NUAK1: variants seen among roughly 807,000 people sequenced by gnomAD.
NUAK1 encodes the protein NUAK family kinase 1, also known as NUAK family SNF1-like kinase 1.
NUAK1 carries 26 observed loss-of-function variants against 56.9 expected under a neutral mutation model. The ratio of observed to expected loss-of-function variants is 0.46; its 90% CI spans 0.33 to 0.63. NUAK1 has a LOEUF of 0.63. NUAK1 is among the 30% of genes least tolerant of loss of function. NUAK1 has a pLI of 0.02. For synonymous variants in NUAK1, 337 were observed against 336.0 expected, an observed-to-expected ratio of 1.00 and a Z score of -0.03; for missense variants, 727 against 876.1, an observed-to-expected ratio of 0.83 and a Z score of 2.15.
At chr12:106,076,043 T>G (rs761188629) in intron 4 of NUAK1, among the ~76,000 whole-genome samples, 12 of 152,166 alleles carry the variant, frequency 7.9e-5, no homozygotes, top group Admixed American at 2.6e-4. Context: ...TGACCTGAAC[T>G]CAACAAAAAT....
intron 1 of NUAK1, among the ~76,000 whole-genome samples, chr12:106,125,798 A>T (rs373699704): frequency 2.0e-5 from 3 of 152,122 alleles, no homozygotes; most frequent in Non-Finnish European, 4.4e-5. Flanking sequence ...AACCATGAGG[A>T]TGATGAAAAA....
chr12:106,090,025 T>C (rs2032618919), intron 2 of NUAK1, among the ~76,000 whole-genome samples: 1 of 152,204 alleles, frequency 6.6e-6, no homozygotes, highest in South Asian at 2.1e-4. Flanking sequence ...TTGATGGTCC[T>C]CAGAGAGCCT....
chr12:106,136,254 G>A (rs1374766681), intron 1 of NUAK1, among the ~76,000 whole-genome samples: 1 of 152,172 alleles, frequency 6.6e-6, no homozygotes, highest in Non-Finnish European at 1.5e-5. Context: ...TAAAACAAGA[G>A]ATTTAGCTGA....
chr12:106,077,918 A>G (rs540282281), intron 4 of NUAK1, among the ~76,000 whole-genome samples: 52 of 152,212 alleles, frequency 3.4e-4, no homozygotes, highest in Non-Finnish European at 6.3e-4. Flanking sequence ...TGCTTACACC[A>G]TGCCTACCTA....
chr12:106,087,090 G>C (rs2032580403), intron 2 of NUAK1: 8 of 523,058 alleles, frequency 1.5e-5, no homozygotes, highest in Non-Finnish European at 2.7e-5. Context: ...CACCACCACT[G>C]TTCCTGGACA....
chr12:106,104,292 C>T (rs1055803785), intron 2 of NUAK1: 2 of 152,282 alleles, frequency 1.3e-5, no homozygotes, highest in Non-Finnish European at 2.9e-5. Flanking sequence ...TCTCAAACTC[C>T]TGACCTCAAG....
chr12:106,066,643 T>A lies in NUAK1; in HGVS notation c.*159A>T. The A allele has an allele frequency of 2.9e-6, 2 of 680,448 alleles. No individual in the cohort carries two copies. The highest frequency in any genetic ancestry group is 5.1e-6 in the Non-Finnish European group (2 of 389,812). The allele number at this position is 680,448 out of a possible 1,614,324, so 42.2% of individuals were successfully genotyped here. ...GGCAGAAGAGCCCACCTCTCCCTTTTAGGTGTTGGCTCAAGGCTGCAAACT... is the reference window on the plus strand; with the variant it reads ...GGCAGAAGAGCCCACCTCTCCCTTTAAGGTGTTGGCTCAAGGCTGCAAACT... On this transcript the variant is annotated 3_prime_UTR_variant, in exon 7 of 7. Transcript: ENST00000261402.
At chr12:106,084,390 G>A (rs1473738358) in intron 3 of NUAK1, among the ~76,000 whole-genome samples, 2 of 152,164 alleles carry the variant, frequency 1.3e-5, no homozygotes, top group African/African-American at 2.4e-5. Context: ...CCTACTCAAC[G>A]CTGGAAAGAC....
intron 2 of NUAK1, chr12:106,103,521 A>G (rs1377329543): frequency 6.6e-6 from 1 of 152,132 alleles, no homozygotes; most frequent in Non-Finnish European, 1.5e-5. Context: ...ATCAGCCTGG[A>G]ATTCTATTTT....
intron 1 of NUAK1, among the ~76,000 whole-genome samples, chr12:106,132,072 G>A (rs990961875): frequency 5.9e-5 from 9 of 152,194 alleles, no homozygotes; most frequent in African/African-American, 2.2e-4. Context: ...GTCTGACTCT[G>A]GAGCCACTGA....
intron 1 of NUAK1, among the ~76,000 whole-genome samples, chr12:106,130,532 G>A (rs922403461): frequency 2.0e-5 from 3 of 152,188 alleles, no homozygotes; most frequent in African/African-American, 4.8e-5. Context: ...TTTCTTATGG[G>A]GAAGCTTCAG....
intron 2 of NUAK1, among the ~76,000 whole-genome samples, chr12:106,100,228 C>T (rs766682240): frequency 1.1e-4 from 16 of 151,728 alleles, no homozygotes; most frequent in Non-Finnish European, 2.4e-4. Context: ...TAGCAGTTTC[C>T]CACCATTCCT....
intron 4 of NUAK1, among the ~76,000 whole-genome samples, chr12:106,075,041 G>A (rs1177062483): frequency 1.3e-5 from 2 of 152,228 alleles, no homozygotes; most frequent in East Asian, 1.9e-4. Context: ...ATACACGTGC[G>A]TGTGAGAGGC....
chr12:106,094,064 C>A (rs530151351), intron 2 of NUAK1, among the ~76,000 whole-genome samples: 1 of 152,252 alleles, frequency 6.6e-6, no homozygotes, highest in East Asian at 1.9e-4. Context: ...CCACCTCAGC[C>A]TCCCAAAGTG....
At chr12:106,125,090 CTTACAGA>C (rs1176264371) in intron 1 of NUAK1, among the ~76,000 whole-genome samples, 1 of 152,172 alleles carries the variant, frequency 6.6e-6, no homozygotes, top group Non-Finnish European at 1.5e-5. Flanking sequence ...GAGCGCTCAT[CTTACAGA>C]TAAGTTAGCT....
At chr12:106,092,759 T>C (rs902518809) in intron 2 of NUAK1, among the ~76,000 whole-genome samples, 1 of 152,172 alleles carries the variant, frequency 6.6e-6, no homozygotes, top group African/African-American at 2.4e-5. Flanking sequence ...CTGTACGCAT[T>C]TTTGTTGGGT....
intron 1 of NUAK1, among the ~76,000 whole-genome samples, chr12:106,129,593 T>C (rs569908863): frequency 9.9e-5 from 15 of 152,266 alleles, no homozygotes; most frequent in African/African-American, 3.4e-4. Flanking sequence ...TTGAAGGACA[T>C]GGTAAATTCA....
At chr12:106,097,924 G>A (rs1034664654) in intron 2 of NUAK1, among the ~76,000 whole-genome samples, 1 of 152,176 alleles carries the variant, frequency 6.6e-6, no homozygotes, top group African/African-American at 2.4e-5. Context: ...TTTTCCAGGG[G>A]CACAGGATGG....
rs575999630 is a variant in NUAK1, at chr12:106,100,909, C to A, written c.361+5496G>T. 1.6e-4 allele frequency among the ~76,000 whole-genome samples: 25 copies of A among 152,358 alleles called. 1 individual carries two copies. In the South Asian group the frequency reaches 5.0e-3, roughly 30 times the overall value. Reference sequence around the variant, plus strand: ...TTGCTAAAGAAGACACTGGCAAGTTCTTTAACAGCTTCTACTCATTTGGCT... The same window carrying A: ...TTGCTAAAGAAGACACTGGCAAGTTATTTAACAGCTTCTACTCATTTGGCT... On this transcript the variant is annotated intron_variant, in intron 2 of 6. Coordinates refer to ENST00000261402, the MANE Select transcript of NUAK1 (RefSeq NM_014840.3).
Sources: allele counts gnomAD v4.1 joint callset (sites outside exome capture counted in the v4.1 genomes callset), GRCh38; gene constraint gnomAD v4.1.1; transcripts MANE v1.5; gene names NCBI Gene and HGNC (gene_info 2026-07-23, HGNC 2026-07-21).